IQGAP2: variants seen among roughly 807,000 people sequenced by gnomAD.
IQGAP2 encodes the protein IQ motif containing GTPase activating protein 2, also known as ras GTPase-activating-like protein IQGAP2.
A neutral mutation model predicts 201.3 loss-of-function variants in IQGAP2; 173 were observed. That is an observed-to-expected ratio of 0.86 (90% confidence interval 0.76 to 0.98). The LOEUF (loss-of-function observed/expected upper bound fraction) is 0.98. IQGAP2 is among the 50% of genes least tolerant of loss of function. The pLI, the probability that IQGAP2 is intolerant of heterozygous loss-of-function variation, is 0.00. For synonymous variants in IQGAP2, 675 were observed against 673.9 expected (o/e 1.00, Z -0.03); for missense variants, 1,687 against 1,864.8 (o/e 0.90, Z 1.76).
Position 76,531,037 on chromosome 5 carries a change from A to T in IQGAP2, c.147-31359A>T, listed in dbSNP as rs553773925. Among the ~76,000 whole-genome samples the T allele has an allele frequency of 2.0e-5, 3 of 152,328 alleles. 1 individual carries two copies. In the East Asian group the frequency reaches 5.8e-4, roughly 29 times the overall value. ...CTGTATTAGTCCATTTTGTGCTGCT[A>T]TAACAAAACACCCAAGACTAGGTAA... On this transcript the variant is annotated intron_variant, in intron 2 of 35. Coordinates refer to ENST00000274364, the MANE Select transcript of IQGAP2 (RefSeq NM_006633.5).
Position 76,664,879 on chromosome 5 carries a change from CG to C in IQGAP2, c.2530-145del. 9.3e-6 allele frequency: 5 copies of C among 538,110 alleles called. No individual in the cohort carries two copies. In the South Asian group the frequency reaches 1.4e-4, roughly 15 times the overall value. 33.3% of individuals were successfully genotyped at this position (538,110 alleles called of 1,614,324 possible). A position where few individuals can be genotyped will look rare whatever the true frequency, so the allele number is the denominator to read the frequency against. On this transcript the variant is annotated intron_variant, in intron 21 of 35. Transcript: ENST00000274364. Reference sequence around the variant, plus strand: ...CTTCAATTTGCAAAGAAAAAAAATGCGGTATCTGTGAAGCACAGTAAAGCAA... The same window carrying C: ...CTTCAATTTGCAAAGAAAAAAAATGCGTATCTGTGAAGCACAGTAAAGCAA...
chr5:76,475,880 C>G (rs1755388284), intron 2 of IQGAP2, among the ~76,000 whole-genome samples: 1 of 152,054 alleles, frequency 6.6e-6, no homozygotes, highest in Non-Finnish European at 1.5e-5. Context: ...CCTTTGGCCT[C>G]TGCATGGGAA....
chr5:76,542,994 G>A (rs1742870625), intron 2 of IQGAP2, among the ~76,000 whole-genome samples: 1 of 152,206 alleles, frequency 6.6e-6, no homozygotes, highest in South Asian at 2.1e-4. Context: ...AATGTTTCAT[G>A]TCTGTGGTCA....
intron 2 of IQGAP2, among the ~76,000 whole-genome samples, chr5:76,486,152 A>C (rs536107170): frequency 6.6e-6 from 1 of 152,208 alleles, no homozygotes; most frequent in Non-Finnish European, 1.5e-5. Flanking sequence ...GTAGAAGAAG[A>C]ATTTGCTTTG....
intron 17 of IQGAP2, among the ~76,000 whole-genome samples, chr5:76,647,350 A>T (rs1486513133): frequency 6.6e-6 from 1 of 152,124 alleles, no homozygotes; most frequent in Non-Finnish European, 1.5e-5. Context: ...GCCACCCAGA[A>T]ATGCCAATGG....
intron 2 of IQGAP2, among the ~76,000 whole-genome samples, chr5:76,549,476 G>T (rs950543747): frequency 6.6e-6 from 1 of 151,934 alleles, no homozygotes; most frequent in Non-Finnish European, 1.5e-5. Context: ...AGTAATAAAT[G>T]CAGTGAAGAG....
In IQGAP2 at chr5:76,685,152, G is replaced by A. The variant is rs549371054; in HGVS notation, c.3905+1235G>A. ...CCTTGGCCTCACAAGAGTTGAGGGCGGTTCTTTTTGACTACAGATTACCAA... is the reference window on the plus strand; with the variant it reads ...CCTTGGCCTCACAAGAGTTGAGGGCAGTTCTTTTTGACTACAGATTACCAA... On this transcript the variant is annotated intron_variant, in intron 30 of 35. Transcript: ENST00000274364. Among the ~76,000 whole-genome samples, 8 of 152,238 alleles carry A rather than the reference G, an allele frequency of 5.3e-5. No individual in the cohort carries two copies. In the East Asian group the frequency reaches 1.2e-3, roughly 22 times the overall value.
intron 1 of IQGAP2, among the ~76,000 whole-genome samples, chr5:76,444,837 A>G (rs1753279275): frequency 6.6e-6 from 1 of 152,154 alleles, no homozygotes; most frequent in South Asian, 2.1e-4. Flanking sequence ...GGGTTTTTTC[A>G]TAGACTATCG....
At chr5:76,554,691 C>T (rs1743816076) in intron 2 of IQGAP2, among the ~76,000 whole-genome samples, 1 of 152,096 alleles carries the variant, frequency 6.6e-6, no homozygotes, top group Non-Finnish European at 1.5e-5. Context: ...AATTGAAATC[C>T]TCATACACTG....
chr5:76,674,148 G>T, intron 26 of IQGAP2, 112 bp downstream of exon 26: 1 of 678,526 alleles, frequency 1.5e-6, no homozygotes, highest in South Asian at 1.8e-5. Context: ...ATAATAAGCT[G>T]CAGGTCTTCT....
At chr5:76,673,626 T>C in intron 25 of IQGAP2, 37 bp downstream of exon 25, 1 of 1,604,478 alleles carries the variant, frequency 6.2e-7, no homozygotes, top group Non-Finnish European at 8.5e-7. Flanking sequence ...CATTCTTTCC[T>C]GGAACGTTCT....
At chr5:76,670,474 A>T (rs13181696) in intron 23 of IQGAP2, among the ~76,000 whole-genome samples, 1 of 152,174 alleles carries the variant, frequency 6.6e-6, no homozygotes, top group South Asian at 2.1e-4. Context: ...AGATCGCGCC[A>T]CTGCACTCCA....
chr5:76,492,028 G>A (rs1374320960), intron 2 of IQGAP2, among the ~76,000 whole-genome samples: 1 of 152,072 alleles, frequency 6.6e-6, no homozygotes, highest in Non-Finnish European at 1.5e-5. Flanking sequence ...GTCATAGAAA[G>A]GCTGCAGTGA....
chr5:76,457,405 A>G (rs1292845599), intron 1 of IQGAP2, among the ~76,000 whole-genome samples: 2 of 152,156 alleles, frequency 1.3e-5, no homozygotes, highest in African/African-American at 4.8e-5. Flanking sequence ...TCCCTTCAAT[A>G]TATCCCTCAA....
intron 11 of IQGAP2, among the ~76,000 whole-genome samples, chr5:76,605,351 TTTTTAA>T (rs1390383572): frequency 6.6e-6 from 1 of 152,154 alleles, no homozygotes; most frequent in Non-Finnish European, 1.5e-5. Context: ...GAGAGGGCCA[TTTTTAA>T]TTTTAATTTT....
intron 17 of IQGAP2, among the ~76,000 whole-genome samples, chr5:76,651,897 A>T (rs1406432688): frequency 6.6e-6 from 1 of 152,184 alleles, no homozygotes; most frequent in African/African-American, 2.4e-5. Flanking sequence ...TACCCTTTTT[A>T]AAAAGAATGA....
At chr5:76,538,820 C>T (rs1055637294) in intron 2 of IQGAP2, among the ~76,000 whole-genome samples, 6 of 152,140 alleles carry the variant, frequency 3.9e-5, no homozygotes, top group Admixed American at 2.6e-4. Flanking sequence ...TCTAGGCCCT[C>T]TGGGATGCTG....
At chr5:76,471,496 C>T (rs1755107711) in intron 2 of IQGAP2, among the ~76,000 whole-genome samples, 1 of 151,974 alleles carries the variant, frequency 6.6e-6, no homozygotes, top group African/African-American at 2.4e-5. Flanking sequence ...ATATATGTGC[C>T]CTGGAAAGAA....
intron 21 of IQGAP2, among the ~76,000 whole-genome samples, chr5:76,663,346 G>A (rs927038356): frequency 5.3e-5 from 8 of 152,178 alleles, no homozygotes; most frequent in Non-Finnish European, 1.0e-4. Flanking sequence ...TCACGTGGAG[G>A]TCCAGCTAAG....
Sources: allele counts gnomAD v4.1 joint callset (sites outside exome capture counted in the v4.1 genomes callset), GRCh38; gene constraint gnomAD v4.1.1; transcripts MANE v1.5; gene names NCBI Gene and HGNC (gene_info 2026-07-23, HGNC 2026-07-21).